Variants in PDE3A observed in about 807,000 individuals in gnomAD.
PDE3A encodes the protein cGMP-inhibited 3',5'-cyclic phosphodiesterase 3A.
Under a neutral mutation model 98.3 loss-of-function variants are expected in PDE3A, and 43 were observed. That is an observed-to-expected ratio of 0.44 (90% CI 0.34 to 0.56). The LOEUF is 0.56. Among genes scored for constraint, PDE3A ranks in the 20% least tolerant of loss-of-function variants. The pLI, the probability that PDE3A is intolerant of heterozygous loss-of-function variation, is 0.01. For synonymous variants in PDE3A, 663 were observed against 567.9 expected, an observed-to-expected ratio of 1.17 and a Z score of -2.38; for missense variants, 1,427 against 1,440.7, an observed-to-expected ratio of 0.99 and a Z score of 0.15.
At chr12:20,625,130 C>A (rs1944231060) in intron 5 of PDE3A, among the ~76,000 whole-genome samples, 1 of 152,174 alleles carries the variant, frequency 6.6e-6, no homozygotes, top group African/African-American at 2.4e-5. Flanking sequence ...CTAGTTCAGT[C>A]AATCAATGTT....
intron 15 of PDE3A, among the ~76,000 whole-genome samples, chr12:20,665,955 A>AT (rs1565469163): frequency 3.2e-5 from 4 of 123,402 alleles, no homozygotes; most frequent in African/African-American, 6.0e-5. Context: ...AGTATTTGTC[A>AT]TTTCTTTTTT....
intron 1 of PDE3A, among the ~76,000 whole-genome samples, chr12:20,398,140 T>G (rs1488744874): frequency 1.3e-5 from 2 of 150,438 alleles, no homozygotes; most frequent in African/African-American, 4.9e-5. Flanking sequence ...TATTTCCAAA[T>G]GAGTAATAAT....
At position 20,646,899 on chromosome 12, in the gene PDE3A, T is replaced by C. The variant is rs751635675; in HGVS notation, c.2514T>C (p.Tyr838=). Residue 838 remains tyrosine (Y), a synonymous_variant, in exon 12 of 16, where the codon TAT becomes TAC. Coordinates refer to ENST00000359062, the MANE Select transcript of PDE3A (RefSeq NM_000921.5). ...ALYVAAAMHD[Y]DHPGRTNAFL... The stretch of plus-strand genomic sequence containing the variant: ...ATGTGGCTGCAGCCATGCACGATTA[T>C]GATCATCCAGGAAGGACTAATGCTT... 8 of 1,614,112 alleles carry C rather than the reference T, an allele frequency of 5.0e-6. No individual in the cohort carries two copies. The East Asian group carries it at 1.8e-4, about 36-fold the overall frequency.
In PDE3A at chr12:20,650,440, A is replaced by C. The variant is rs368254486; in HGVS notation, c.2770-5A>C. The stretch of plus-strand genomic sequence containing the variant: ...AAACATATATTAACTTTATCTCTCA[A>C]ATAGGTAAATGATGATGTTGGAATA... On this transcript the variant is annotated splice_polypyrimidine_tract_variant and splice_region_variant and intron_variant, in intron 13 of 15. Transcript: ENST00000359062. The C allele has an allele frequency of 1.7e-5, 27 of 1,585,966 alleles. No individual in the cohort carries two copies. Among genetic ancestry groups the C allele is most frequent in the Middle Eastern group, 1.9e-4 (1 of 5,340 alleles).
At chr12:20,408,272 A>G (rs1465615888) in intron 1 of PDE3A, among the ~76,000 whole-genome samples, 1 of 152,180 alleles carries the variant, frequency 6.6e-6, no homozygotes, top group Non-Finnish European at 1.5e-5. Flanking sequence ...ATTATAACTA[A>G]TATTTTAGAA....
At chr12:20,652,878 G>C (rs1208809792) in intron 14 of PDE3A, among the ~76,000 whole-genome samples, 2 of 152,206 alleles carry the variant, frequency 1.3e-5, no homozygotes, top group Non-Finnish European at 2.9e-5. Context: ...ACTACCATCA[G>C]AGTGAACAGG....
At chr12:20,398,491 C>T (rs981104857) in intron 1 of PDE3A, among the ~76,000 whole-genome samples, 1 of 151,888 alleles carries the variant, frequency 6.6e-6, no homozygotes, top group Admixed American at 6.6e-5. Flanking sequence ...TATAAACAGC[C>T]TCATATTTTC....
intron 15 of PDE3A, among the ~76,000 whole-genome samples, chr12:20,666,418 T>C: frequency 6.6e-6 from 1 of 152,190 alleles, no homozygotes; most frequent in East Asian, 1.9e-4. Flanking sequence ...TATCTCTTCA[T>C]TCCTCCTAAC....
chr12:20,447,812 T>C (rs1365999439), intron 1 of PDE3A, among the ~76,000 whole-genome samples: 1 of 152,160 alleles, frequency 6.6e-6, no homozygotes, highest in African/African-American at 2.4e-5. Flanking sequence ...AACTGGTTGG[T>C]CGAAATACAG....
At chr12:20,488,013 A>T (rs973851555) in intron 1 of PDE3A, among the ~76,000 whole-genome samples, 1 of 152,198 alleles carries the variant, frequency 6.6e-6, no homozygotes, top group Non-Finnish European at 1.5e-5. Context: ...AGCATAATGC[A>T]TATTCCTTCC....
intron 1 of PDE3A, among the ~76,000 whole-genome samples, chr12:20,470,152 G>C (rs1945412818): frequency 1.3e-5 from 2 of 151,422 alleles, no homozygotes; most frequent in Non-Finnish European, 2.9e-5. Flanking sequence ...TAATCATTCA[G>C]TATCCTCCAT....
chr12:20,590,986 A>G (rs762695782), intron 2 of PDE3A, among the ~76,000 whole-genome samples: 10 of 152,284 alleles, frequency 6.6e-5, no homozygotes, highest in Non-Finnish European at 1.3e-4. Context: ...ACCAGGCATA[A>G]GTATTGCCAT....
At chr12:20,428,209 A>G (rs1205316877) in intron 1 of PDE3A, among the ~76,000 whole-genome samples, 2 of 152,202 alleles carry the variant, frequency 1.3e-5, no homozygotes, top group Non-Finnish European at 2.9e-5. Flanking sequence ...TCTAAAATCC[A>G]GAAAATCACA....
intron 1 of PDE3A, among the ~76,000 whole-genome samples, chr12:20,400,635 G>A (rs1944113096): frequency 1.3e-5 from 2 of 151,840 alleles, no homozygotes; most frequent in South Asian, 4.2e-4. Flanking sequence ...AGCCAAGATG[G>A]TCTCGATCTC....
chr12:20,444,276 C>T (rs1028520264), intron 1 of PDE3A, among the ~76,000 whole-genome samples: 6 of 152,110 alleles, frequency 3.9e-5, no homozygotes, highest in East Asian at 3.9e-4. Flanking sequence ...CTGTCCATCA[C>T]GAATATCAGT....
chr12:20,509,474 G>A (rs564112957), intron 1 of PDE3A, among the ~76,000 whole-genome samples: 2 of 151,944 alleles, frequency 1.3e-5, no homozygotes, highest in Non-Finnish European at 2.9e-5. Context: ...TTTTTGTCCA[G>A]TGAGATCTAT....
intron 1 of PDE3A, among the ~76,000 whole-genome samples, chr12:20,514,739 T>C (rs1592006749): frequency 6.6e-6 from 1 of 152,320 alleles, no homozygotes; most frequent in African/African-American, 2.4e-5. Flanking sequence ...CAGTGAAGCA[T>C]AATAGAAAGC....
intron 1 of PDE3A, among the ~76,000 whole-genome samples, chr12:20,400,938 AT>A (rs1186449131): frequency 2.0e-5 from 3 of 152,066 alleles, no homozygotes; most frequent in Non-Finnish European, 4.4e-5. Flanking sequence ...ATTATTATTT[AT>A]TTTTAAGGCA....
At chr12:20,416,060 C>T (rs1262636010) in intron 1 of PDE3A, among the ~76,000 whole-genome samples, 2 of 152,154 alleles carry the variant, frequency 1.3e-5, no homozygotes, top group Non-Finnish European at 2.9e-5. Context: ...GATCCCATCA[C>T]TGTTTTATTT....
Sources: gnomAD v4.1 joint callset for allele counts (sites outside exome capture counted in the v4.1 genomes callset) on GRCh38, gnomAD v4.1.1 for gene constraint, MANE v1.5 for transcripts, NCBI Gene and HGNC (gene_info 2026-07-23, HGNC 2026-07-21) for gene names.